Variants in PARP9 observed in about 807,000 individuals in gnomAD.
PARP9 encodes protein mono-ADP-ribosyltransferase PARP9.
A neutral mutation model predicts 68.8 loss-of-function variants in PARP9; 48 were observed. The observed-to-expected ratio is 0.70, with a 90% CI of 0.55 to 0.89. PARP9 has a LOEUF of 0.89. Ranked by LOEUF, PARP9 falls within the 40% of genes least tolerant of loss-of-function variation. The pLI, the probability that PARP9 is intolerant of heterozygous loss-of-function variation, is 0.00. For missense variants in PARP9, 806 were observed against 969.3 expected (o/e 0.83, Z 2.24); for synonymous variants, 309 against 333.8 (o/e 0.93, Z 0.81).
chr3:122,539,507 A>ATTTCTTTCTTTCTTTGTTTCTTTCTTTC, intron 8 of PARP9, among the ~76,000 whole-genome samples: 1 of 133,236 alleles, frequency 7.5e-6, no homozygotes, highest in African/African-American at 2.9e-5. Flanking sequence ...CCAAGATGGC[A>ATTTCTTTCTTTCTTTGTTTCTTTCTTTC]TTTCTTTCTT....
intron 2 of PARP9, among the ~76,000 whole-genome samples, chr3:122,559,332 T>A (rs184961307): frequency 9.8e-5 from 15 of 152,330 alleles, no homozygotes; most frequent in African/African-American, 3.6e-4. Flanking sequence ...ATTACTCTCC[T>A]TACCCCAACC....
Position 122,540,489 on chromosome 3 carries a change from C to T in PARP9, c.1748G>A (p.Gly583Asp). 6.2e-7 allele frequency: 1 copy of T among 1,613,414 alleles called. No homozygotes were observed. The highest frequency in any genetic ancestry group is 2.2e-5 in the East Asian group (1 of 44,870). ...QEEMARKKER[G>D]LWRSLGQWTI... ...TTACTCACCTAACGAGCGCCAAAGG[C>T]CTCGCTCCTTTTTCCTTGCCATTTC... The change falls in exon 8 of 11, where the codon GGC becomes GAC. Residue 583 changes from glycine (G) to aspartate (D), a missense_variant. Physicochemically the swap from Gly to Asp is moderately conservative, Grantham distance 94. Coordinates refer to ENST00000682323, the MANE Select transcript of PARP9 (RefSeq NM_001146105.2).
At position 122,555,529 on chromosome 3, in the gene PARP9, A is replaced by G. The variant is rs765480667; in HGVS notation, c.642T>C (p.Asn214=). 2 of 1,614,200 alleles carry G rather than the reference A, an allele frequency of 1.2e-6. No individual in the cohort carries two copies. Among genetic ancestry groups the G allele is most frequent in the East Asian group, 2.2e-5 (1 of 44,888 alleles). Residue 214 remains asparagine, a synonymous_variant, in exon 4 of 11, where the codon AAT becomes AAC. Coordinates refer to ENST00000682323, the MANE Select transcript of PARP9 (RefSeq NM_001146105.2). ...TCTCTACAATAGTCTTTGTACACAA[A>G]TTCAGAGGGAACTGAAAAATCCCAG... ...LSSGIFQFPL[N]LCTKTIVETI... is the part of the protein sequence containing the mutation.
chr3:122,556,133 GAGAAGATTAAAAAA>G lies in PARP9; in HGVS notation c.50-26_50-13del. The G allele has an allele frequency of 2.4e-5, 4 of 169,066 alleles. No individual in the cohort carries two copies. Among genetic ancestry groups the G allele is most frequent in the Admixed American group, 8.2e-5 (1 of 12,176 alleles). The allele number at this position is 169,066 out of a possible 1,614,324, so 10.5% of individuals were successfully genotyped here. A position where few individuals can be genotyped will look rare whatever the true frequency, so the allele number is the denominator to read the frequency against. On this transcript the variant is annotated splice_polypyrimidine_tract_variant and intron_variant, in intron 3 of 10. Coordinates refer to ENST00000682323, the MANE Select transcript of PARP9 (RefSeq NM_001146105.2). ...AAGAGCACCAGTCTCTGGAAAAGAAGAGAAGATTAAAAAAAAAAAAAAAAAAAAAAAAAAAAAAA... is the reference window on the plus strand; with the variant it reads ...AAGAGCACCAGTCTCTGGAAAAGAAGAAAAAAAAAAAAAAAAAAAAAAAAA...
intron 8 of PARP9, among the ~76,000 whole-genome samples, chr3:122,538,726 G>A (rs1156882873): frequency 2.0e-5 from 3 of 151,688 alleles, no homozygotes; most frequent in African/African-American, 7.3e-5. Context: ...TTTTATAGGA[G>A]ATCCATGTTT....
chr3:122,562,307 C>T (rs554872335), intron 1 of PARP9, among the ~76,000 whole-genome samples: 33 of 151,910 alleles, frequency 2.2e-4, no homozygotes, highest in Non-Finnish European at 4.4e-4. Context: ...CTCAGCCTCC[C>T]TAGTAGCTGG....
intron 2 of PARP9, 68 bp from the exon 3 acceptor site, chr3:122,558,535 T>C (rs2079910190): frequency 1.9e-6 from 3 of 1,557,586 alleles, no homozygotes; most frequent in Middle Eastern, 1.7e-4. Context: ...TGATAACCAA[T>C]ACACCCTAGT....
rs532754458 is a variant in PARP9 at position 122,542,971 on chromosome 3, A to G, written c.1385-2119T>C. Among the ~76,000 whole-genome samples, 570 of 152,088 alleles carry G rather than the reference A, an allele frequency of 3.7e-3. 3 individuals are homozygous for G. The highest frequency in any genetic ancestry group is 0.012 in the African/African-American group (510 of 41,484). ...GCCCAAGCTGGAGTGCAGTGGCACA[A>G]TCTCAGCTCACTGCAACCTCCGCCT... is the stretch of plus-strand genomic sequence containing the variant. On this transcript the variant is annotated intron_variant, in intron 7 of 10. Coordinates refer to ENST00000682323, the MANE Select transcript of PARP9 (RefSeq NM_001146105.2).
intron 7 of PARP9, among the ~76,000 whole-genome samples, chr3:122,541,377 T>C (rs2078218815): frequency 6.6e-6 from 1 of 152,206 alleles, no homozygotes; most frequent in African/African-American, 2.4e-5. Context: ...TAGCTTGTAA[T>C]GGATTAGCTT....
chr3:122,554,951 A>C lies in PARP9; in HGVS notation c.885+335T>G, dbSNP rs549795752. On this transcript the variant is annotated intron_variant, in intron 4 of 10. Transcript: ENST00000682323. ...AGGCTGGTCTTGAACACCTGGGCTC[A>C]AGTGATCCTCCTGTCTCAACCTCCC... 9.2e-5 allele frequency among the ~76,000 whole-genome samples: 14 copies of C among 151,758 alleles called. No homozygotes were observed. In the South Asian group the frequency reaches 2.7e-3, roughly 29 times the overall value.
intron 6 of PARP9, among the ~76,000 whole-genome samples, chr3:122,546,911 G>A (rs1434351415): frequency 3.5e-5 from 5 of 141,680 alleles, no homozygotes; most frequent in Admixed American, 1.5e-4. Flanking sequence ...AAGATTAAGG[G>A]GAGAAGGAGA....
intron 10 of PARP9, chr3:122,534,032 G>C: frequency 1.0e-6 from 1 of 985,496 alleles, no homozygotes; most frequent in Non-Finnish European, 1.2e-6. Flanking sequence ...ATTGGTGCAG[G>C]TCACATTATG....
At chr3:122,564,042 T>G in intron 1 of PARP9, 1 of 190,108 alleles carries the variant, frequency 5.3e-6, no homozygotes, top group Non-Finnish European at 1.1e-5. Context: ...TGAATTACTT[T>G]TTAGGATCAA....
In PARP9 at chr3:122,528,085, A is replaced by C; in HGVS notation, c.*279T>G. The C allele has an allele frequency of 4.0e-6, 1 of 251,990 alleles. No individual in the cohort carries two copies. The highest frequency in any genetic ancestry group is 7.5e-6 in the Non-Finnish European group (1 of 133,180). The allele number at this position is 251,990 out of a possible 1,614,324, so 15.6% of individuals were successfully genotyped here. Reference sequence around the variant, plus strand: ...AGAAAAATTTCTTCATTATATGCAAAATATTTATCTCCTCTAGTAAAGGAG... The same window carrying C: ...AGAAAAATTTCTTCATTATATGCAACATATTTATCTCCTCTAGTAAAGGAG... On this transcript the variant is annotated 3_prime_UTR_variant, in exon 11 of 11. Transcript: ENST00000682323.
rs756461097 is a variant in PARP9, at chr3:122,536,208, T to C, written c.2040A>G (p.Val680=). ...QQVPYQFCNV[V]CRVGFQRMYS... ...ACATTCTTTGAAAGCCAACTCTGCA[T>C]ACCACATTGCAGAACTGGTATGGGA... The change falls in exon 10 of 11, where the codon GTA becomes GTG. Residue 680 remains valine, a synonymous_variant. Coordinates refer to ENST00000682323, the MANE Select transcript of PARP9 (RefSeq NM_001146105.2). The C allele has an allele frequency of 4.3e-6, 7 of 1,614,068 alleles. No individual in the cohort carries two copies. The highest frequency in any genetic ancestry group is 2.2e-5 in the East Asian group (1 of 44,900).
chr3:122,551,170 C>A (rs746045078), intron 5 of PARP9, among the ~76,000 whole-genome samples: 1 of 152,110 alleles, frequency 6.6e-6, no homozygotes. Flanking sequence ...TAAAGGAGAT[C>A]GAGATTAAAA....
At chr3:122,547,013 T>TAC (rs1383480849) in intron 6 of PARP9, among the ~76,000 whole-genome samples, 1,056 of 61,154 alleles carry the variant, frequency 0.017, 21 homozygotes, top group Middle Eastern at 0.039. Context: ...TATATATATA[T>TAC]ACACACACAC....
intron 8 of PARP9, among the ~76,000 whole-genome samples, chr3:122,539,925 T>G (rs1223232030): frequency 1.3e-5 from 2 of 152,134 alleles, no homozygotes; most frequent in African/African-American, 4.8e-5. Context: ...TAAAAGGATC[T>G]CTCCAGATCC....
intron 10 of PARP9, 104 bp from the exon 11 acceptor site, chr3:122,528,847 A>T (rs1277049303): frequency 7.0e-6 from 8 of 1,143,756 alleles, no homozygotes; most frequent in Non-Finnish European, 9.6e-6. Context: ...CCAAATAATC[A>T]CTTCCTCCTG....
Sources: gnomAD v4.1 joint callset for allele counts (sites outside exome capture counted in the v4.1 genomes callset) on GRCh38, gnomAD v4.1.1 for gene constraint, MANE v1.5 for transcripts, NCBI Gene and HGNC (gene_info 2026-07-23, HGNC 2026-07-21) for gene names.